SETD2: variants seen among roughly 807,000 people sequenced by gnomAD.
SETD2 encodes the protein SET domain containing 2, histone lysine methyltransferase.
In SETD2, 31 loss-of-function variants were observed where a neutral mutation model predicts 242.1. The observed-to-expected ratio is 0.13, with a 90% CI of 0.10 to 0.17. The LOEUF (loss-of-function observed/expected upper bound fraction) is 0.17, where lower values mean the gene tolerates loss of function less well. Among genes scored for constraint, SETD2 ranks in the 10% least tolerant of loss-of-function variants. The pLI, the probability that SETD2 is intolerant of heterozygous loss-of-function variation, is 1.00. For missense variants in SETD2, 2,481 were observed against 3,046.3 expected, an observed-to-expected ratio of 0.81 and a Z score of 4.37; for synonymous variants, 1,006 against 1,066.5, an observed-to-expected ratio of 0.94 and a Z score of 1.11.
rs1358117331 is a variant in SETD2, at chr3:47,123,393, T to A, written c.1243A>T (p.Thr415Ser). 2 of 1,551,556 alleles carry A rather than the reference T, an allele frequency of 1.3e-6. No individual in the cohort carries two copies. Among genetic ancestry groups the A allele is most frequent in the Non-Finnish European group, 1.7e-6 (2 of 1,146,996 alleles). ...TCTGACCTGGAATAGGATAAATTAGTTCTAGAGCCTCTCTCAGACCTAGAG... is the reference window on the plus strand; with the variant it reads ...TCTGACCTGGAATAGGATAAATTAGATCTAGAGCCTCTCTCAGACCTAGAG... The part of the protein sequence containing the change: ...SHSRSERGSR[T>S]NLSYSRSERS... The change falls in exon 3 of 21, where the codon ACT (threonine) becomes TCT (serine). Residue 415 changes from threonine (T) to serine (S), a missense_variant. By Grantham distance (58) the Thr-to-Ser change is moderately conservative (BLOSUM62 1). Transcript: ENST00000409792.
intron 13 of SETD2, 141 bp downstream of exon 13, chr3:47,066,929 T>C (rs2040582273): frequency 1.6e-6 from 1 of 634,918 alleles, no homozygotes; most frequent in Admixed American, 2.7e-5. Flanking sequence ...TTTCCAAACT[T>C]TTACACCAAA....
Position 47,017,158 on chromosome 3 carries a change from T to C in SETD2, c.7630A>G (p.Ile2544Val). ...ENVKHKTKEY[I>V]KKYMQKFGAV... ...CCAAACTTCTGCATGTACTTCTTAA[T>C]GTACTCCTTGGTTTTGTGTTTCACA... Residue 2544 changes from isoleucine (I) to valine (V), a missense_variant, in exon 21 of 21, where the codon ATT (isoleucine) becomes GTT (valine). By Grantham distance (29) the Ile-to-Val change is conservative (BLOSUM62 3). Around this residue, in one of 17 missense-constraint regions of SETD2, gnomAD observed 29 missense variants for 46.7 expected, o/e 0.62. Coordinates refer to ENST00000409792, the MANE Select transcript of SETD2 (RefSeq NM_014159.7). This position sits in a 1 kb window ranked among gnomAD's most constrained non-coding sequence, Gnocchi z 4.8. 1 of 1,614,204 alleles carries C rather than the reference T, an allele frequency of 6.2e-7. No homozygotes were observed. Among genetic ancestry groups the C allele is most frequent in the Non-Finnish European group, 8.5e-7 (1 of 1,180,036 alleles).
At chr3:47,097,649 C>A (rs904468205) in intron 9 of SETD2, among the ~76,000 whole-genome samples, 1 of 152,124 alleles carries the variant, frequency 6.6e-6, no homozygotes, top group Non-Finnish European at 1.5e-5. Context: ...AGATTAGAAA[C>A]GTACAGCAGA....
intron 3 of SETD2, among the ~76,000 whole-genome samples, chr3:47,118,298 G>T (rs1210207599): frequency 6.6e-6 from 1 of 152,200 alleles, no homozygotes; most frequent in African/African-American, 2.4e-5. Context: ...AATGGGCATA[G>T]ATTTTGGCAG....
In SETD2 at chr3:47,144,414, G is replaced by A. The variant is rs571146792; in HGVS notation, c.72-17751C>T. Among the ~76,000 whole-genome samples the A allele has an allele frequency of 3.6e-3, 550 of 152,178 alleles. 4 individuals are homozygous for A. The highest frequency in any genetic ancestry group is 0.013 in the African/African-American group (522 of 41,530). On this transcript the variant is annotated intron_variant, in intron 1 of 20. Transcript: ENST00000409792. The stretch of plus-strand genomic sequence containing the variant: ...AGCACTTTGGGAGACCGAGGCAGGC[G>A]AATCACGAGGTCAAGAGAGCGAGAC...
chr3:47,078,546 G>A (rs1246389553), intron 12 of SETD2, among the ~76,000 whole-genome samples: 1 of 26,830 alleles, frequency 3.7e-5, no homozygotes, highest in Non-Finnish European at 8.5e-5. Context: ...TTTTTTTTTT[G>A]CTATAAAGGC....
rs1415417656 is a variant in SETD2, at chr3:47,113,747, G to A, written c.4715+129C>T. 8 of 775,956 alleles carry A rather than the reference G, an allele frequency of 1.0e-5. No homozygotes were observed. In the Admixed American group the frequency reaches 2.2e-4, roughly 22 times the overall value. The allele number at this position is 775,956 out of a possible 1,614,324, so 48.1% of individuals were successfully genotyped here. ...CCAGCTACTTGAGAGGCTAAGGCAG[G>A]AGAATTGCTTGAATCCGGGAGGTAG... is the stretch of plus-strand genomic sequence containing the variant. On this transcript the variant is annotated intron_variant, in intron 5 of 20. Coordinates refer to ENST00000409792, the MANE Select transcript of SETD2 (RefSeq NM_014159.7).
At chr3:47,046,000 A>G (rs1297069520) in intron 16 of SETD2, among the ~76,000 whole-genome samples, 1 of 151,952 alleles carries the variant, frequency 6.6e-6, no homozygotes, top group African/African-American at 2.4e-5. Context: ...GGTTGAGTTC[A>G]CGCCCTCAGG....
At chr3:47,069,533 G>A (rs1559686544) in intron 12 of SETD2, among the ~76,000 whole-genome samples, 2 of 152,188 alleles carry the variant, frequency 1.3e-5, no homozygotes, top group South Asian at 4.1e-4. Context: ...CTGATGCACA[G>A]AGAAGGCTGA....
intron 9 of SETD2, among the ~76,000 whole-genome samples, chr3:47,089,577 T>C (rs552386112): frequency 6.6e-6 from 1 of 152,338 alleles, no homozygotes; most frequent in South Asian, 2.1e-4. Flanking sequence ...TTAAGTATTT[T>C]AAATATTAAA....
chr3:47,114,080 G>A (rs2107720754), intron 4 of SETD2, 76 bp from the exon 5 acceptor site: 1 of 1,434,768 alleles, frequency 7.0e-7, no homozygotes, highest in Non-Finnish European at 9.6e-7. Flanking sequence ...AAATGTGTTA[G>A]TATAACTACA....
intron 3 of SETD2, among the ~76,000 whole-genome samples, chr3:47,117,280 A>C (rs9647355): frequency 5.7e-5 from 5 of 87,854 alleles, no homozygotes; most frequent in East Asian, 3.7e-4. Flanking sequence ...AAAAAAAAAA[A>C]CAAACAAAAA....
chr3:47,147,917 CAAAAAAAAAAA>C (rs547475994), intron 1 of SETD2, among the ~76,000 whole-genome samples: 1 of 52,126 alleles, frequency 1.9e-5, no homozygotes, highest in Non-Finnish European at 4.0e-5. Context: ...GACTCTGTCT[CAAAAAAAAAAA>C]AAAAAAAAAA....
At chr3:47,065,143 T>C (rs1033916823) in intron 13 of SETD2, among the ~76,000 whole-genome samples, 1 of 152,194 alleles carries the variant, frequency 6.6e-6, no homozygotes, top group African/African-American at 2.4e-5. Context: ...ATCAACCCTA[T>C]AGTGGTGCCA....
chr3:47,126,350 T>C (rs1266316998), intron 2 of SETD2, among the ~76,000 whole-genome samples: 1 of 152,208 alleles, frequency 6.6e-6, no homozygotes, highest in African/African-American at 2.4e-5. Context: ...AAGTTAAATC[T>C]TAAATGGAAG....
chr3:47,023,674 TA>T (rs1055994885), intron 18 of SETD2, among the ~76,000 whole-genome samples: 1 of 152,042 alleles, frequency 6.6e-6, no homozygotes, highest in African/African-American at 2.4e-5. Flanking sequence ...AAAAATACAA[TA>T]AAAATAATAC....
At position 47,062,244 on chromosome 3, in the gene SETD2, T is replaced by C. The variant is rs2040365291; in HGVS notation, c.6212A>G (p.Asn2071Ser). 3 of 1,614,184 alleles carry C rather than the reference T, an allele frequency of 1.9e-6. No homozygotes were observed. Among genetic ancestry groups the C allele is most frequent in the Non-Finnish European group, 2.5e-6 (3 of 1,180,018 alleles). Residue 2071 changes from asparagine (N) to serine (S), a missense_variant, in exon 14 of 21, where the codon AAT (asparagine) becomes AGT (serine). Around this residue, in one of 17 missense-constraint regions of SETD2, gnomAD observed 80 missense variants for 102.6 expected, o/e 0.78. Transcript: ENST00000409792. Reference sequence around the variant, plus strand: ...GCTTCTTCGTTTCCTTTTCTCTTTATTTTGAGTTTGCTTGTCTGGGTCTCT... The same window carrying C: ...GCTTCTTCGTTTCCTTTTCTCTTTACTTTGAGTTTGCTTGTCTGGGTCTCT... The part of the protein sequence containing the change: ...RERDPDKQTQ[N>S]KEKRKRRSSL...
At chr3:47,086,686 C>G (rs892627337) in intron 10 of SETD2, among the ~76,000 whole-genome samples, 3 of 151,410 alleles carry the variant, frequency 2.0e-5, no homozygotes, top group African/African-American at 7.3e-5. Flanking sequence ...TTCTTCTCTC[C>G]CTTTCAGATG....
chr3:47,139,216 A>G (rs1474241416), intron 1 of SETD2, among the ~76,000 whole-genome samples: 1 of 152,068 alleles, frequency 6.6e-6, no homozygotes, highest in Non-Finnish European at 1.5e-5. Context: ...CACTACACAC[A>G]TACCACATCA....
Sources: allele counts gnomAD v4.1 joint callset (sites outside exome capture counted in the v4.1 genomes callset), GRCh38; gene constraint gnomAD v4.1.1; regional missense constraint gnomAD v4.1.1; non-coding constraint Gnocchi (gnomAD v3.1); transcripts MANE v1.5; gene names NCBI Gene and HGNC (gene_info 2026-07-23, HGNC 2026-07-21).